Variants in PRDX5 observed in about 807,000 individuals in gnomAD.
The protein encoded by PRDX5 is peroxiredoxin 5.
A neutral mutation model predicts 23.8 loss-of-function variants in PRDX5; 21 were observed. The ratio of observed to expected loss-of-function variants is 0.88; its 90% CI spans 0.63 to 1.27. The LOEUF (loss-of-function observed/expected upper bound fraction) is 1.27. Among genes scored for constraint, PRDX5 ranks in the 50% most tolerant of loss-of-function variants. The probability of loss-of-function intolerance (pLI) is 0.00; values close to 1 mark genes in which losing one functional copy is unlikely to be tolerated. For missense variants in PRDX5, 261 were observed against 270.6 expected (o/e 0.96, Z 0.25); for synonymous variants, 111 against 113.3 (o/e 0.98, Z 0.13).
Position 64,318,294 on chromosome 11 carries a change from G to A in PRDX5, c.79G>A (p.Ala27Thr). 6.2e-7 allele frequency: 1 copy of A among 1,612,540 alleles called. No homozygotes were observed. The highest frequency in any genetic ancestry group is 8.5e-7 in the Non-Finnish European group (1 of 1,179,858). Residue 27 changes from alanine to threonine, a missense_variant, in exon 1 of 6, where the codon GCA becomes ACA. By Grantham distance (58) the Ala-to-Thr change is moderately conservative. Transcript: ENST00000265462. ...CGGTGGGGCCGGCGGTCAGTCTGCG[G>A]CAGCGGCAGCAAGACGGTACAGTGA... Reference protein sequence around the residue: ...LVGGAGGQSAAAAARRYSEGE... With the variant: ...LVGGAGGQSATAAARRYSEGE...
intron 1 of PRDX5, 61 bp downstream of exon 1, chr11:64,318,447 G>A: frequency 1.3e-6 from 2 of 1,535,624 alleles, no homozygotes; most frequent in Non-Finnish European, 1.7e-6. Context: ...TCCCCGTCCC[G>A]CTAGTCTGAG....
In PRDX5 at chr11:64,320,735, T is replaced by A. The variant is rs953342275; in HGVS notation, c.381T>A (p.Ser127Arg). 2 of 1,613,704 alleles carry A rather than the reference T, an allele frequency of 1.2e-6. No homozygotes were observed. Among genetic ancestry groups the A allele is most frequent in the African/African-American group, 2.7e-5 (2 of 74,830 alleles). ...AKGVQVVACL[S>R]VNDAFVTGEW... ...GAGTCCAGGTGGTGGCCTGTCTGAG[T>A]GTTAATGATGCCTTTGTGACTGGCG... Residue 127 changes from serine to arginine, a missense_variant, in exon 3 of 6, where the codon AGT becomes AGA. Physicochemically the swap from Ser to Arg is moderately radical, Grantham distance 110 (BLOSUM62 -1). Coordinates refer to ENST00000265462, the MANE Select transcript of PRDX5 (RefSeq NM_012094.5).
intron 4 of PRDX5, 49 bp downstream of exon 4, chr11:64,320,952 TG>T (rs1382067449): frequency 6.2e-7 from 1 of 1,613,774 alleles, no homozygotes; most frequent in African/African-American, 1.3e-5. Context: ...CGGGGAGCAG[TG>T]GGGGCCCTTA....
chr11:64,321,090 T>TG (rs768475142), intron 5 of PRDX5, 22 bp downstream of exon 5: 3 of 1,589,618 alleles, frequency 1.9e-6, no homozygotes, highest in African/African-American at 2.7e-5. Context: ...GAGTCCTCTG[T>TG]GGAGAGAGTC....
chr11:64,318,406 G>A lies in PRDX5; in HGVS notation c.171+20G>A. The A allele has an allele frequency of 1.3e-6, 2 of 1,592,364 alleles. No homozygotes were observed. The highest frequency in any genetic ancestry group is 1.1e-5 in the South Asian group (1 of 88,854). ...ATCAAGGTGACCGCTGGCCCGGCCGGGCCTGACATCCCCCACTACCCCCAT... is the reference window on the plus strand; with the variant it reads ...ATCAAGGTGACCGCTGGCCCGGCCGAGCCTGACATCCCCCACTACCCCCAT... On this transcript the variant is annotated intron_variant, in intron 1 of 5. Coordinates refer to ENST00000265462, the MANE Select transcript of PRDX5 (RefSeq NM_012094.5).
At chr11:64,320,379 T>C (rs745725812) in intron 2 of PRDX5, among the ~76,000 whole-genome samples, 2 of 152,016 alleles carry the variant, frequency 1.3e-5, no homozygotes, top group African/African-American at 2.4e-5. Context: ...CCAACACCCC[T>C]GTTGGTCCTG....
intron 1 of PRDX5, 80 bp downstream of exon 1, chr11:64,318,466 T>C (rs7941847): frequency 0.99 from 1,495,110 of 1,505,060 alleles, 743,130 homozygotes; most frequent in East Asian, 1. Flanking sequence ...AGAGTATCGC[T>C]TTATTTCCTG....
At position 64,318,155 on chromosome 11, in the gene PRDX5, T is replaced by A; in HGVS notation, c.-61T>A. 1.2e-6 allele frequency: 2 copies of A among 1,600,804 alleles called. No homozygotes were observed. The highest frequency in any genetic ancestry group is 1.1e-5 in the South Asian group (1 of 90,066). On this transcript the variant is annotated 5_prime_UTR_variant, in exon 1 of 6. Transcript: ENST00000265462. ...GGTGTCGCCGCTGTGCCGCTAGCGGTGCCCCGCCTGCTGCGGTGGCACCAG... is the reference window on the plus strand; with the variant it reads ...GGTGTCGCCGCTGTGCCGCTAGCGGAGCCCCGCCTGCTGCGGTGGCACCAG...
Position 64,319,727 on chromosome 11 carries a change from C to T in PRDX5, c.172-7C>T, listed in dbSNP as rs377046969. 206 of 1,613,018 alleles carry T rather than the reference C, an allele frequency of 1.3e-4. 3 individuals carry two copies. The South Asian group carries it at 2.0e-3, about 15-fold the overall frequency. Reference sequence around the variant, plus strand: ...CACCCCCCTTACCCTGGAGTCCTTCCTTCTAGGTGGGAGATGCCATCCCAG... The same window carrying T: ...CACCCCCCTTACCCTGGAGTCCTTCTTTCTAGGTGGGAGATGCCATCCCAG... On this transcript the variant is annotated splice_polypyrimidine_tract_variant and splice_region_variant and intron_variant, in intron 1 of 5. Transcript: ENST00000265462.
Position 64,321,596 on chromosome 11 carries a change from G to A in PRDX5, c.550G>A (p.Val184Met), listed in dbSNP as rs759552776. 1 of 1,613,512 alleles carries A rather than the reference G, an allele frequency of 6.2e-7. No homozygotes were observed. Among genetic ancestry groups the A allele is most frequent in the African/African-American group, 1.3e-5 (1 of 75,028 alleles). Residue 184 changes from valine to methionine, a missense_variant, in exon 6 of 6, where the codon GTG becomes ATG. Val to Met is a conservative substitution (Grantham distance 21). Transcript: ENST00000265462. ...CCCTCTTTCCGGCAGGTTCTCCATG[G>A]TGGTACAGGATGGCATAGTGAAGGC... ...GNRRLKRFSM[V>M]VQDGIVKALN...
intron 5 of PRDX5, 28 bp downstream of exon 5, chr11:64,321,096 G>T: frequency 5.1e-6 from 7 of 1,367,136 alleles, no homozygotes; most frequent in Non-Finnish European, 7.2e-6. Context: ...TCTGTGGAGA[G>T]AGTCCTCTGT....
rs761278277 is a variant in PRDX5, at chr11:64,318,290, T to TGCGGCA, written c.84_89dup (p.Ala29_Ala30dup). 1.9e-6 allele frequency: 3 copies of TGCGGCA among 1,612,488 alleles called. No individual in the cohort carries two copies. The highest frequency in any genetic ancestry group is 1.1e-5 in the South Asian group (1 of 91,014). On this transcript the variant is annotated inframe_insertion, in exon 1 of 6. Transcript: ENST00000265462. Reference sequence around the variant, plus strand: ...TCGTCGGTGGGGCCGGCGGTCAGTCTGCGGCAGCGGCAGCAAGACGGTACA... The same window carrying TGCGGCA: ...TCGTCGGTGGGGCCGGCGGTCAGTCTGCGGCAGCGGCAGCGGCAGCAAGACGGTACA...
intron 1 of PRDX5, 91 bp from the exon 2 acceptor site, chr11:64,319,643 C>G: frequency 6.8e-7 from 1 of 1,474,398 alleles, no homozygotes; most frequent in African/African-American, 1.4e-5. Context: ...CCGGTTCCTG[C>G]AGGCACAGCT....
Position 64,318,247 on chromosome 11 carries a change from G to A in PRDX5, c.32G>A (p.Arg11His). 1.2e-6 allele frequency: 2 copies of A among 1,612,108 alleles called. No homozygotes were observed. Among genetic ancestry groups the A allele is most frequent in the South Asian group, 1.1e-5 (1 of 91,006 alleles). ...CTAGCTGGCGTGTGCGCCCTGAGAC[G>A]CTCAGCGGGCTATATACTCGTCGGT... MGLAGVCALR[R>H]SAGYILVGGA... Residue 11 changes from arginine to histidine, a missense_variant, in exon 1 of 6, where the codon CGC (arginine) becomes CAC (histidine). Physicochemically the swap from Arg to His is conservative, Grantham distance 29. Coordinates refer to ENST00000265462, the MANE Select transcript of PRDX5 (RefSeq NM_012094.5).
chr11:64,318,486 C>T (rs2035385162), intron 1 of PRDX5, 100 bp downstream of exon 1: 2 of 1,423,630 alleles, frequency 1.4e-6, no homozygotes, highest in Non-Finnish European at 1.9e-6. Context: ...GCCTGCCAGA[C>T]CCCTCCCCTC....
chr11:64,318,424 A>G (rs1309807835), intron 1 of PRDX5, 38 bp downstream of exon 1: 2 of 1,570,180 alleles, frequency 1.3e-6, no homozygotes, highest in Non-Finnish European at 8.6e-7. Context: ...ATCCCCCACT[A>G]CCCCCATGGC....
chr11:64,320,638 G>A (rs112934063), intron 2 of PRDX5, 23 bp from the exon 3 acceptor site: 32 of 1,564,594 alleles, frequency 2.0e-5, no homozygotes, highest in African/African-American at 1.5e-4. Flanking sequence ...TCCCTTTGCC[G>A]ACCCTTTGTT....
At position 64,320,664 on chromosome 11, in the gene PRDX5, C is replaced by T; in HGVS notation, c.310C>T (p.His104Tyr). Residue 104 changes from histidine (H) to tyrosine (Y), a missense_variant, in exon 3 of 6, where the codon CAC (histidine) becomes TAC (tyrosine). His to Tyr is a moderately conservative substitution (Grantham distance 83). Transcript: ENST00000265462. ...GAFTPGCSKT[H>Y]LPGFVEQAEA... ...ACCCTTTGTTCCCCTTCCTCAGACA[C>T]ACCTGCCAGGGTTTGTGGAGCAGGC... 6.3e-7 allele frequency: 1 copy of T among 1,593,342 alleles called. No individual in the cohort carries two copies.
chr11:64,318,182 C>G lies in PRDX5; in HGVS notation c.-34C>G. The G allele has an allele frequency of 1.2e-6, 2 of 1,609,680 alleles. No homozygotes were observed. Among genetic ancestry groups the G allele is most frequent in the Non-Finnish European group, 1.7e-6 (2 of 1,178,884 alleles). On this transcript the variant is annotated 5_prime_UTR_variant, in exon 1 of 6. Coordinates refer to ENST00000265462, the MANE Select transcript of PRDX5 (RefSeq NM_012094.5). ...CCCCGCCTGCTGCGGTGGCACCAGC[C>G]AGGAGGCGGAGTGGAAGTGGCCGTG...
Sources: gnomAD v4.1 joint callset for allele counts (sites outside exome capture counted in the v4.1 genomes callset) on GRCh38, gnomAD v4.1.1 for gene constraint, MANE v1.5 for transcripts, NCBI Gene and HGNC (gene_info 2026-07-23, HGNC 2026-07-21) for gene names.